Variants in OTOA observed in about 807,000 individuals in gnomAD.
OTOA encodes the protein otoancorin.
A neutral mutation model predicts 110.8 loss-of-function variants in OTOA; 70 were observed. The ratio of observed to expected loss-of-function variants is 0.63; its 90% confidence interval spans 0.52 to 0.77. OTOA has a LOEUF of 0.77. Among genes scored for constraint, OTOA ranks in the 30% least tolerant of loss-of-function variants. The pLI is 0.00. For missense variants in OTOA, 917 were observed against 1,075.8 expected, an observed-to-expected ratio of 0.85 and a Z score of 2.06; for synonymous variants, 373 against 431.5, an observed-to-expected ratio of 0.86 and a Z score of 1.68.
chr16:21,710,344 T>C (rs1392426822), intron 13 of OTOA, among the ~76,000 whole-genome samples: 1 of 152,162 alleles, frequency 6.6e-6, no homozygotes, highest in Non-Finnish European at 1.5e-5. Context: ...CCTGACCACA[T>C]GAGAGCAAGC....
Position 21,667,934 on chromosome 16 carries a change from G to A in OTOA, c.-5+3702G>A, listed in dbSNP as rs138314975. Among the ~76,000 whole-genome samples, 7 of 152,194 alleles carry A rather than the reference G, an allele frequency of 4.6e-5. No individual in the cohort carries two copies. The East Asian group carries it at 1.3e-3, about 29-fold the overall frequency. On this transcript the variant is annotated intron_variant, in intron 1 of 28. Transcript: ENST00000646100. ...TAAGCTCATGAGCCACGCAAAATCA[G>A]GTGGCCATTTCCATTTGGTCCGTGG... is the stretch of plus-strand genomic sequence containing the variant.
intron 7 of OTOA, 134 bp downstream of exon 7, chr16:21,685,495 C>A: frequency 1.6e-6 from 2 of 1,279,828 alleles, no homozygotes; most frequent in Non-Finnish European, 2.2e-6. Context: ...CTCCTCCAAC[C>A]CCCTGGGGGC....
Position 21,700,971 on chromosome 16 carries a change from T to G in OTOA, c.924T>G (p.Phe308Leu). 1 of 1,614,070 alleles carries G rather than the reference T, an allele frequency of 6.2e-7. No individual in the cohort carries two copies. Among genetic ancestry groups the G allele is most frequent in the Non-Finnish European group, 8.5e-7 (1 of 1,180,004 alleles). ...TCACACCTGAGCTGGCCCAGGCGTT[T>G]CTGGAGAGGATCAGCTCCTCCAACT... ...YDITPELAQA[F>L]LERISSSNFN... The change falls in exon 11 of 29, where the codon TTT (phenylalanine) becomes TTG (leucine). Residue 308 changes from phenylalanine (F) to leucine (L), a missense_variant. Around this residue, in one of 6 missense-constraint regions of OTOA, gnomAD observed 840 missense variants for 910.2 expected, o/e 0.92. Transcript: ENST00000646100.
At chr16:21,704,621 G>A (rs1489467989) in intron 11 of OTOA, among the ~76,000 whole-genome samples, 1 of 152,132 alleles carries the variant, frequency 6.6e-6, no homozygotes, top group Non-Finnish European at 1.5e-5. Flanking sequence ...AGGGGGTGTC[G>A]TGTCCACCAG....
rs773523498 is a variant in OTOA at position 21,704,983 on chromosome 16, T to G, written c.981-186T>G. 39 of 925,996 alleles carry G rather than the reference T, an allele frequency of 4.2e-5. 1 individual carries two copies. Among genetic ancestry groups the G allele is most frequent in the Non-Finnish European group, 5.4e-6 (3 of 552,994 alleles). 57.4% of individuals were successfully genotyped at this position (925,996 alleles called of 1,614,324 possible). Reference sequence around the variant, plus strand: ...TCAGCCCCCATTCCTTGGTCTCGTCTGAGCAGTTAGGTTCCGCCTGTGGTT... The same window carrying G: ...TCAGCCCCCATTCCTTGGTCTCGTCGGAGCAGTTAGGTTCCGCCTGTGGTT... On this transcript the variant is annotated intron_variant, in intron 11 of 28. Transcript: ENST00000646100.
chr16:21,714,152 C>G (rs1898442131), intron 13 of OTOA, among the ~76,000 whole-genome samples: 1 of 152,160 alleles, frequency 6.6e-6, no homozygotes, highest in Non-Finnish European at 1.5e-5. Context: ...AACTATCTAG[C>G]ATCTTCACTC....
chr16:21,705,126 C>T (rs200342042), intron 11 of OTOA, 43 bp from the exon 12 acceptor site: 1 of 1,614,140 alleles, frequency 6.2e-7, no homozygotes, highest in Non-Finnish European at 8.5e-7. Flanking sequence ...TGGGCTGGTT[C>T]TGCGGTTACA....
At chr16:21,716,873 A>G (rs1270820307) in intron 14 of OTOA, 34 bp from the exon 15 acceptor site, 11 of 1,612,804 alleles carry the variant, frequency 6.8e-6, no homozygotes, top group African/African-American at 1.3e-5. Flanking sequence ...TGCATTTTTT[A>G]CAATGTTGTT....
chr16:21,710,186 C>T (rs1249397793), intron 13 of OTOA, 83 bp downstream of exon 13: 1 of 1,316,404 alleles, frequency 7.6e-7, no homozygotes, highest in African/African-American at 1.5e-5. Flanking sequence ...TAAAAATATA[C>T]TGTAGATTGA....
chr16:21,710,747 A>T (rs1898330165), intron 13 of OTOA, among the ~76,000 whole-genome samples: 1 of 152,198 alleles, frequency 6.6e-6, no homozygotes, highest in Non-Finnish European at 1.5e-5. Context: ...TCACACCTGC[A>T]ATCCCAGCAC....
At chr16:21,706,625 T>C (rs1476517040) in intron 12 of OTOA, among the ~76,000 whole-genome samples, 2 of 152,144 alleles carry the variant, frequency 1.3e-5, no homozygotes, top group Non-Finnish European at 2.9e-5. Flanking sequence ...CAGTCAAGTC[T>C]CAATTCTACC....
intron 1 of OTOA, among the ~76,000 whole-genome samples, chr16:21,667,307 A>G (rs1209600515): frequency 6.6e-6 from 1 of 152,224 alleles, no homozygotes; most frequent in East Asian, 1.9e-4. Context: ...TGGGGGAAAA[A>G]TAATCCATTT....
At chr16:21,678,709 T>C (rs1228076050) in intron 2 of OTOA, 104 bp downstream of exon 2, 2 of 1,144,230 alleles carry the variant, frequency 1.7e-6, no homozygotes, top group Non-Finnish European at 2.6e-6. Context: ...GTTTTTGGGC[T>C]GTGTGTGTGT....
Position 21,700,950 on chromosome 16 carries a change from AC to A in OTOA, c.905del (p.Pro302LeufsTer18). The stretch of plus-strand genomic sequence containing the variant: ...AGCTGGACATGGTCTATGACATCAC[AC>A]CTGAGCTGGCCCAGGCGTTTCTGGA... ...KQLDMVYDIT[P>X]ELAQAFLERI... On this transcript the variant is annotated frameshift_variant, in exon 11 of 29. Transcript: ENST00000646100. LOFTEE classifies it high-confidence loss of function. The A allele has an allele frequency of 6.2e-7, 1 of 1,613,898 alleles. No homozygotes were observed. Among genetic ancestry groups the A allele is most frequent in the Non-Finnish European group, 8.5e-7 (1 of 1,179,988 alleles).
At chr16:21,705,129 C>T in intron 11 of OTOA, 40 bp from the exon 12 acceptor site, 5 of 1,614,102 alleles carry the variant, frequency 3.1e-6, no homozygotes, top group Middle Eastern at 1.7e-4. Context: ...GCTGGTTCTG[C>T]GGTTACACCT....
At chr16:21,735,246 C>T (rs1899250787) in intron 21 of OTOA, among the ~76,000 whole-genome samples, 2 of 151,956 alleles carry the variant, frequency 1.3e-5, no homozygotes, top group Admixed American at 1.3e-4. Context: ...GGGAAGGCCT[C>T]AGGAAACTTA....
intron 9 of OTOA, among the ~76,000 whole-genome samples, chr16:21,692,425 C>G (rs1897849530): frequency 6.6e-6 from 1 of 151,988 alleles, no homozygotes; most frequent in Non-Finnish European, 1.5e-5. Flanking sequence ...GCTACCAAAG[C>G]AGGTAGGTCA....
chr16:21,736,258 C>A lies in OTOA; in HGVS notation c.2302-3C>A. On this transcript the variant is annotated splice_polypyrimidine_tract_variant and splice_region_variant and intron_variant, in intron 21 of 28. Coordinates refer to ENST00000646100, the MANE Select transcript of OTOA (RefSeq NM_144672.4). Reference sequence around the variant, plus strand: ...TCCTCTTCTTTCATCTTCTTTCACACAGTTTCCTGAGATCCTTCTGCAAGC... The same window carrying A: ...TCCTCTTCTTTCATCTTCTTTCACAAAGTTTCCTGAGATCCTTCTGCAAGC... The A allele has an allele frequency of 1.2e-6, 2 of 1,611,598 alleles. No individual in the cohort carries two copies. Among genetic ancestry groups the A allele is most frequent in the South Asian group, 2.2e-5 (2 of 91,014 alleles).
At chr16:21,758,901 C>G (rs1330241549) in intron 28 of OTOA, among the ~76,000 whole-genome samples, 2 of 151,654 alleles carry the variant, frequency 1.3e-5, no homozygotes, top group African/African-American at 4.9e-5. Flanking sequence ...ATTCGGGAGG[C>G]TAAGGCAGGA....
Sources: allele counts gnomAD v4.1 joint callset (sites outside exome capture counted in the v4.1 genomes callset), GRCh38; gene constraint gnomAD v4.1.1; regional missense constraint gnomAD v4.1.1; transcripts MANE v1.5; gene names NCBI Gene and HGNC (gene_info 2026-07-23, HGNC 2026-07-21).